Variants in SLC24A2 observed in about 807,000 individuals in gnomAD.
SLC24A2 encodes solute carrier family 24 member 2.
Under a neutral mutation model 62.0 loss-of-function variants are expected in SLC24A2, and 36 were observed. That is an observed-to-expected ratio of 0.58 (90% CI 0.44 to 0.77). SLC24A2 has a LOEUF of 0.77. Among genes scored for constraint, SLC24A2 ranks in the 30% least tolerant of loss-of-function variants. SLC24A2 has a pLI of 0.00. For missense variants in SLC24A2, 846 were observed against 817.9 expected, an observed-to-expected ratio of 1.03 and a Z score of -0.42; for synonymous variants, 358 against 294.0, an observed-to-expected ratio of 1.22 and a Z score of -2.23.
intron 4 of SLC24A2, among the ~76,000 whole-genome samples, chr9:19,614,955 C>T (rs576606678): frequency 1.9e-4 from 29 of 152,156 alleles, no homozygotes; most frequent in Admixed American, 1.0e-3. Flanking sequence ...GCTCAAATTT[C>T]GAATCCACAA....
At chr9:19,827,319 G>C in the SLC24A2 span, among the ~76,000 whole-genome samples, 1 of 152,168 alleles carries the variant, frequency 6.6e-6, no homozygotes, top group Non-Finnish European at 1.5e-5. Flanking sequence ...CAATGTGTCA[G>C]TGTAGACGCA....
intron 7 of SLC24A2, among the ~76,000 whole-genome samples, chr9:19,567,600 T>C (rs2132828020): frequency 6.6e-6 from 1 of 151,620 alleles, no homozygotes; most frequent in African/African-American, 2.4e-5. Context: ...TATCTTTCCT[T>C]TTTAACACAG....
At chr9:20,276,897 G>A in the SLC24A2 span, among the ~76,000 whole-genome samples, 3 of 152,294 alleles carry the variant, frequency 2.0e-5, no homozygotes, top group East Asian at 5.8e-4. Context: ...GGGACACAGG[G>A]CACCAAATCC....
chr9:19,542,002 G>C (rs954114468), intron 8 of SLC24A2, among the ~76,000 whole-genome samples: 48 of 152,272 alleles, frequency 3.2e-4, no homozygotes, highest in Middle Eastern at 3.4e-3. Flanking sequence ...TCTTTGACTC[G>C]GAAAGGGAAC....
At chr9:19,984,052 A>AT in the SLC24A2 span, among the ~76,000 whole-genome samples, 1 of 152,198 alleles carries the variant, frequency 6.6e-6, no homozygotes, top group African/African-American at 2.4e-5. Context: ...TGAAAATATC[A>AT]TAAGTCAAAA....
chr9:19,932,667 G>C, the SLC24A2 span, among the ~76,000 whole-genome samples: 2 of 152,306 alleles, frequency 1.3e-5, no homozygotes, highest in Admixed American at 1.3e-4. Context: ...CTAGTCTGGT[G>C]CTGTCTTTAG....
intron 2 of SLC24A2, among the ~76,000 whole-genome samples, chr9:19,650,021 T>G (rs1199655497): frequency 6.6e-6 from 1 of 152,124 alleles, no homozygotes. Flanking sequence ...GTACAACTGG[T>G]GACATAACAT....
chr9:20,294,369 T>C, the SLC24A2 span, among the ~76,000 whole-genome samples: 26 of 152,298 alleles, frequency 1.7e-4, no homozygotes, highest in East Asian at 5.0e-3. Context: ...AGGAATTATT[T>C]CAAAGGGGCT....
the SLC24A2 span, among the ~76,000 whole-genome samples, chr9:20,185,791 T>C: frequency 3.9e-5 from 6 of 152,112 alleles, no homozygotes; most frequent in Non-Finnish European, 1.5e-5. Flanking sequence ...ACTCTAAAGT[T>C]TGTAGAGACT....
the SLC24A2 span, among the ~76,000 whole-genome samples, chr9:20,229,958 G>A: frequency 2.8e-5 from 4 of 141,430 alleles, no homozygotes; most frequent in South Asian, 2.2e-4. Context: ...TGTTCAATTC[G>A]CACCTATGAG....
the SLC24A2 span, among the ~76,000 whole-genome samples, chr9:20,020,444 T>C: frequency 6.6e-6 from 1 of 152,136 alleles, no homozygotes; most frequent in Non-Finnish European, 1.5e-5. Context: ...AGCTGGAAAC[T>C]ATCATTCTCA....
At position 19,516,075 on chromosome 9, in the gene SLC24A2, C is replaced by A. The variant is rs887612915; in HGVS notation, c.*78G>T. ...CAGGGCTGTGTGCCAGCTGCCTCTT[C>A]TCAAGAGGTCAAGGAGCCCAGAGCC... On this transcript the variant is annotated 3_prime_UTR_variant, in exon 11 of 11. Coordinates refer to ENST00000341998, the MANE Select transcript of SLC24A2 (RefSeq NM_020344.4). 6.3e-7 allele frequency: 1 copy of A among 1,581,294 alleles called. No individual in the cohort carries two copies. The highest frequency in any genetic ancestry group is 8.7e-7 in the Non-Finnish European group (1 of 1,151,148).
intron 2 of SLC24A2, among the ~76,000 whole-genome samples, chr9:19,763,886 G>C (rs995622405): frequency 5.3e-5 from 8 of 152,198 alleles, no homozygotes; most frequent in Non-Finnish European, 8.8e-5. Flanking sequence ...CAGAAGGAAT[G>C]ATACCAGCTC....
At chr9:19,791,648 A>G (rs1422782239), upstream of SLC24A2, among the ~76,000 whole-genome samples, 2 of 152,238 alleles carry the variant, frequency 1.3e-5, no homozygotes, top group African/African-American at 4.8e-5. Flanking sequence ...TCCAAATCAC[A>G]CTACGTGGAA....
At chr9:19,959,616 C>G in the SLC24A2 span, among the ~76,000 whole-genome samples, 2 of 152,168 alleles carry the variant, frequency 1.3e-5, no homozygotes, top group African/African-American at 4.8e-5. Context: ...TGAAAGAATG[C>G]AGACCTAGTT....
At chr9:19,738,643 A>G (rs1356363951) in intron 2 of SLC24A2, among the ~76,000 whole-genome samples, 2 of 152,248 alleles carry the variant, frequency 1.3e-5, no homozygotes, top group African/African-American at 2.4e-5. Flanking sequence ...TAAATTCTAT[A>G]GAATTTCATC....
chr9:19,549,755 T>A (rs1209491544), intron 8 of SLC24A2, among the ~76,000 whole-genome samples: 1 of 152,168 alleles, frequency 6.6e-6, no homozygotes, highest in Admixed American at 6.5e-5. Flanking sequence ...GCCACAGACA[T>A]AATGGAGCAG....
the SLC24A2 span, among the ~76,000 whole-genome samples, chr9:20,016,974 T>G: frequency 7.2e-5 from 11 of 152,356 alleles, no homozygotes; most frequent in African/African-American, 2.6e-4. Context: ...TAAGTTTTAA[T>G]TTAAAAGGGC....
At chr9:19,658,821 C>T (rs1314063109) in intron 2 of SLC24A2, among the ~76,000 whole-genome samples, 6 of 152,096 alleles carry the variant, frequency 3.9e-5, no homozygotes, top group Admixed American at 3.9e-4. Flanking sequence ...TGTAAAAGGC[C>T]AAGGGCTGGT....
Sources: gnomAD v4.1 joint callset for allele counts (sites outside exome capture counted in the v4.1 genomes callset) on GRCh38, gnomAD v4.1.1 for gene constraint, MANE v1.5 for transcripts, NCBI Gene and HGNC (gene_info 2026-07-23, HGNC 2026-07-21) for gene names.